Variants in CTNND2 observed in about 807,000 individuals in gnomAD.
CTNND2 encodes catenin delta 2.
CTNND2 carries 22 observed loss-of-function variants against 144.4 expected under a neutral mutation model. The observed-to-expected ratio is 0.15, with a 90% CI of 0.11 to 0.22. The LOEUF is 0.22. CTNND2 is among the 10% of genes least tolerant of loss of function. The pLI is 1.00. For missense variants in CTNND2, 1,353 were observed against 1,618.8 expected (o/e 0.84, Z 2.82); for synonymous variants, 751 against 695.6 (o/e 1.08, Z -1.25).
At position 11,686,469 on chromosome 5, in the gene CTNND2, A is replaced by G. The variant is rs764734181; in HGVS notation, c.174+45667T>C. Among the ~76,000 whole-genome samples, 14 of 152,218 alleles carry G rather than the reference A, an allele frequency of 9.2e-5. 1 individual carries two copies. The highest frequency in any genetic ancestry group is 2.0e-4 in the Admixed American group (3 of 15,292). Reference sequence around the variant, plus strand: ...GAAGACATGTGCTATTCAATTGTATAATAACAATGATAATACTATTTCTAG... The same window carrying G: ...GAAGACATGTGCTATTCAATTGTATGATAACAATGATAATACTATTTCTAG... On this transcript the variant is annotated intron_variant, in intron 2 of 21. Coordinates refer to ENST00000304623, the MANE Select transcript of CTNND2 (RefSeq NM_001332.4).
rs138845331 is a variant in CTNND2 at position 11,337,469 on chromosome 5, C to A, written c.1628+8903G>T. On this transcript the variant is annotated intron_variant, in intron 9 of 21. Transcript: ENST00000304623. ...CATTTGCAGTCTTTGATATCTGTTT[C>A]ATCACAAAATGGTACAAGGAACAAT... 3.9e-5 allele frequency among the ~76,000 whole-genome samples: 6 copies of A among 152,324 alleles called. No homozygotes were observed. The East Asian group carries it at 1.2e-3, about 29-fold the overall frequency.
At chr5:11,234,903 C>G (rs1741456185) in intron 10 of CTNND2, among the ~76,000 whole-genome samples, 2 of 152,320 alleles carry the variant, frequency 1.3e-5, no homozygotes, top group Non-Finnish European at 2.9e-5. Context: ...TCAACCCGTA[C>G]AAGGCCCAGT....
intron 2 of CTNND2, among the ~76,000 whole-genome samples, chr5:11,662,265 G>GTATATATA (rs2126573086): frequency 8.9e-6 from 1 of 112,380 alleles, no homozygotes; most frequent in African/African-American, 4.7e-5. Flanking sequence ...GTATATATGT[G>GTATATATA]TGTGTGTGTA....
intron 1 of CTNND2, among the ~76,000 whole-genome samples, chr5:11,862,013 C>T (rs1264039685): frequency 2.6e-5 from 4 of 152,188 alleles, no homozygotes; most frequent in Admixed American, 6.5e-5. Flanking sequence ...TCATTTTGTG[C>T]CCAATCCCTC....
chr5:11,867,215 C>T (rs1018406906), intron 1 of CTNND2, among the ~76,000 whole-genome samples: 1 of 152,184 alleles, frequency 6.6e-6, no homozygotes, highest in African/African-American at 2.4e-5. Context: ...TTGCTAGAGG[C>T]TGTGGTACTA....
rs180913114 is a variant in CTNND2, at chr5:11,818,033, G to A, written c.38-85761C>T. Reference sequence around the variant, plus strand: ...TTCTCCTCCATCCAATATCAAAGCCGCACATTATATTTCTTTTCAGAGCAT... The same window carrying A: ...TTCTCCTCCATCCAATATCAAAGCCACACATTATATTTCTTTTCAGAGCAT... On this transcript the variant is annotated intron_variant, in intron 1 of 21. Transcript: ENST00000304623. 8.9e-4 allele frequency among the ~76,000 whole-genome samples: 104 copies of A among 116,608 alleles called. 1 individual carries two copies. Among genetic ancestry groups the A allele is most frequent in the East Asian group, 2.5e-3 (9 of 3,538 alleles). The allele number at this position is 116,608 out of a possible 152,430, so 76.5% of individuals were successfully genotyped here.
At chr5:11,122,464 C>A (rs560461040) in intron 12 of CTNND2, among the ~76,000 whole-genome samples, 4 of 151,954 alleles carry the variant, frequency 2.6e-5, no homozygotes, top group Non-Finnish European at 5.9e-5. Context: ...CTGTTTCCTC[C>A]TCTCCTCTCT....
intron 1 of CTNND2, among the ~76,000 whole-genome samples, chr5:11,768,232 C>T (rs1162697347): frequency 6.6e-6 from 1 of 152,074 alleles, no homozygotes. Context: ...CAGTAAGGGG[C>T]ACCTAGCACT....
chr5:10,988,143 C>T lies in CTNND2; in HGVS notation c.3311G>A (p.Gly1104Asp). ...GGCATCTTTCCTGGAAGTGTGTTCGCCTTTAGCTCCGTGGTAGGTGGCGTT... is the reference window on the plus strand; with the variant it reads ...GGCATCTTTCCTGGAAGTGTGTTCGTCTTTAGCTCCGTGGTAGGTGGCGTT... ...GSNATYHGAK[G>D]EHTSRKDAMT... The change falls in exon 20 of 22, where the codon GGC becomes GAC. Residue 1104 changes from glycine (G) to aspartate (D), a missense_variant. Transcript: ENST00000304623. This position sits in a 1 kb window ranked among gnomAD's most constrained non-coding sequence, Gnocchi z 5.9. The T allele has an allele frequency of 6.2e-7, 1 of 1,614,204 alleles. No homozygotes were observed. The highest frequency in any genetic ancestry group is 8.5e-7 in the Non-Finnish European group (1 of 1,180,046).
At chr5:11,237,861 T>TA (rs1741813686) in intron 9 of CTNND2, among the ~76,000 whole-genome samples, 1 of 152,192 alleles carries the variant, frequency 6.6e-6, no homozygotes, top group African/African-American at 2.4e-5. Flanking sequence ...ATCTCTTCTT[T>TA]AAAAATAGAC....
intron 16 of CTNND2, among the ~76,000 whole-genome samples, chr5:11,082,300 T>G (rs1461743796): frequency 6.6e-6 from 1 of 152,138 alleles, no homozygotes; most frequent in Non-Finnish European, 1.5e-5. Flanking sequence ...AAGAATAGGA[T>G]TAAAGGGCTA....
At chr5:11,900,881 A>G (rs1455421922) in intron 1 of CTNND2, among the ~76,000 whole-genome samples, 1 of 152,190 alleles carries the variant, frequency 6.6e-6, no homozygotes, top group African/African-American at 2.4e-5. Flanking sequence ...AGTACTCCCA[A>G]CTATGTTAAG....
intron 1 of CTNND2, among the ~76,000 whole-genome samples, chr5:11,847,497 G>C (rs1035092089): frequency 7.2e-5 from 11 of 151,944 alleles, no homozygotes; most frequent in African/African-American, 2.7e-4. Context: ...GGAGGAGGCA[G>C]GTAATAGGAC....
chr5:11,388,776 T>C (rs1312753496), intron 6 of CTNND2, among the ~76,000 whole-genome samples: 1 of 152,242 alleles, frequency 6.6e-6, no homozygotes, highest in Non-Finnish European at 1.5e-5. Flanking sequence ...TTACTACCCA[T>C]CGTTGCATTA....
At chr5:11,750,270 C>A (rs562805262) in intron 1 of CTNND2, among the ~76,000 whole-genome samples, 1 of 151,892 alleles carries the variant, frequency 6.6e-6, no homozygotes, top group East Asian at 1.9e-4. Flanking sequence ...TTTAAGATCC[C>A]CTGTATGATT....
intron 13 of CTNND2, among the ~76,000 whole-genome samples, chr5:11,112,290 G>T (rs543887133): frequency 2.6e-5 from 4 of 152,296 alleles, no homozygotes; most frequent in East Asian, 1.9e-4. Context: ...CTCACAAGGG[G>T]CCTGTACGTC....
chr5:11,593,997 G>A (rs7714701), intron 2 of CTNND2, among the ~76,000 whole-genome samples: 54,917 of 152,050 alleles, frequency 0.36, 10,701 homozygotes, highest in Middle Eastern at 0.6. Context: ...TAAAATAAAT[G>A]TGACAGTTGT....
At chr5:11,332,457 C>A (rs965979833) in intron 9 of CTNND2, among the ~76,000 whole-genome samples, 1 of 151,946 alleles carries the variant, frequency 6.6e-6, no homozygotes, top group African/African-American at 2.4e-5. Context: ...GTAGTTGTCT[C>A]CTTCCTTCTA....
chr5:11,205,719 A>G (rs1379783174), intron 10 of CTNND2, among the ~76,000 whole-genome samples: 1 of 152,234 alleles, frequency 6.6e-6, no homozygotes, highest in African/African-American at 2.4e-5. Flanking sequence ...TATATTTCAT[A>G]AAGGTCATAA....
Sources: allele counts gnomAD v4.1 joint callset (sites outside exome capture counted in the v4.1 genomes callset), GRCh38; gene constraint gnomAD v4.1.1; non-coding constraint Gnocchi (gnomAD v3.1); transcripts MANE v1.5; gene names NCBI Gene and HGNC (gene_info 2026-07-23, HGNC 2026-07-21).